Variants in MAP3K9 observed in about 807,000 individuals in gnomAD.
MAP3K9 encodes the protein mitogen-activated protein kinase kinase kinase 9, also known as mixed lineage kinase 1 (tyr and ser/thr specificity).
Under a neutral mutation model 95.8 loss-of-function variants are expected in MAP3K9, and 46 were observed. The observed-to-expected ratio is 0.48, with a 90% CI of 0.38 to 0.61. The LOEUF is 0.61. Ranked by LOEUF, MAP3K9 falls within the 20% of genes least tolerant of loss-of-function variation. MAP3K9 has a pLI of 0.00. For missense variants in MAP3K9, 1,296 were observed against 1,474.3 expected, an observed-to-expected ratio of 0.88 and a Z score of 1.98; for synonymous variants, 533 against 593.8, an observed-to-expected ratio of 0.90 and a Z score of 1.49.
rs1003410678 is a variant in MAP3K9 at position 70,730,258 on chromosome 14, G to A, written c.*122C>T. 111 of 1,388,162 alleles carry A rather than the reference G, an allele frequency of 8.0e-5. No individual in the cohort carries two copies. Among genetic ancestry groups the A allele is most frequent in the Non-Finnish European group, 9.3e-5 (96 of 1,027,648 alleles). The allele number at this position is 1,388,162 out of a possible 1,614,324, so 86.0% of individuals were successfully genotyped here. A position where few individuals can be genotyped will look rare whatever the true frequency, so the allele number is the denominator to read the frequency against. On this transcript the variant is annotated 3_prime_UTR_variant, in exon 12 of 12. Transcript: ENST00000554752. ...TTTCCATCCCTTCCATCTTCAAAGT[G>A]CATTATCAGTGCAAGAAGTAGGGCT...
intron 2 of MAP3K9, among the ~76,000 whole-genome samples, chr14:70,785,482 TTC>T (rs1221375580): frequency 6.6e-6 from 1 of 152,106 alleles, no homozygotes; most frequent in Non-Finnish European, 1.5e-5. Flanking sequence ...TTAATGTGGT[TTC>T]TCTCTCTCTC....
intron 1 of MAP3K9, among the ~76,000 whole-genome samples, chr14:70,806,062 C>T (rs1594817922): frequency 6.6e-6 from 1 of 152,184 alleles, no homozygotes; most frequent in South Asian, 2.1e-4. Context: ...CAGAATGCAA[C>T]GTCACAACAC....
chr14:70,770,397 T>C (rs1221865736), intron 2 of MAP3K9, among the ~76,000 whole-genome samples: 1 of 151,884 alleles, frequency 6.6e-6, no homozygotes, highest in African/African-American at 2.4e-5. Context: ...TTGGCCAGGC[T>C]GGTCTCGAAC....
intron 2 of MAP3K9, among the ~76,000 whole-genome samples, chr14:70,797,438 T>TA (rs1235628895): frequency 6.6e-6 from 1 of 151,040 alleles, no homozygotes; most frequent in Non-Finnish European, 1.5e-5. Flanking sequence ...ATAATAATAA[T>TA]AAAATTTTTT....
chr14:70,805,799 G>A (rs1165288842), intron 1 of MAP3K9, among the ~76,000 whole-genome samples: 2 of 152,112 alleles, frequency 1.3e-5, no homozygotes, highest in Non-Finnish European at 2.9e-5. Flanking sequence ...GGTGGCATGC[G>A]CCTCTGGTCC....
intron 11 of MAP3K9, among the ~76,000 whole-genome samples, chr14:70,732,072 C>T (rs1212624479): frequency 6.6e-6 from 1 of 152,128 alleles, no homozygotes; most frequent in Non-Finnish European, 1.5e-5. Flanking sequence ...TGGAAGCCTG[C>T]CTTCTGAGTG....
At chr14:70,786,352 C>T (rs17177097) in intron 2 of MAP3K9, among the ~76,000 whole-genome samples, 40,962 of 152,052 alleles carry the variant, frequency 0.27, 5,791 homozygotes, top group South Asian at 0.4. Flanking sequence ...CCATCTATCT[C>T]TCAGCGGGGA....
intron 1 of MAP3K9, among the ~76,000 whole-genome samples, chr14:70,807,978 A>G (rs2055008814): frequency 6.6e-6 from 1 of 152,222 alleles, no homozygotes; most frequent in Admixed American, 6.5e-5. Flanking sequence ...AGGATCTAGA[A>G]TGAGAAGAAA....
At chr14:70,803,238 T>C (rs937764999) in intron 1 of MAP3K9, among the ~76,000 whole-genome samples, 1 of 151,596 alleles carries the variant, frequency 6.6e-6, no homozygotes, top group African/African-American at 2.4e-5. Flanking sequence ...AGTTAAACTT[T>C]TTTTCTTTAT....
intron 3 of MAP3K9, among the ~76,000 whole-genome samples, chr14:70,756,678 C>G (rs1245430101): frequency 2.6e-5 from 4 of 152,208 alleles, no homozygotes; most frequent in African/African-American, 9.6e-5. Context: ...ACACACATAA[C>G]AGTCACCCAA....
chr14:70,747,723 C>T (rs1277599463), intron 5 of MAP3K9, among the ~76,000 whole-genome samples: 2 of 152,082 alleles, frequency 1.3e-5, no homozygotes, highest in African/African-American at 4.8e-5. Flanking sequence ...AAAAAGGTCT[C>T]ATCAAATTTT....
Position 70,730,082 on chromosome 14 carries a change from G to A in MAP3K9, c.*298C>T. On this transcript the variant is annotated 3_prime_UTR_variant, in exon 12 of 12. Transcript: ENST00000554752. ...CAGATTTGGCTGAGTGACTCTGCAG[G>A]GTCACTCTAAAGGCAAGGAAGACTG... is the stretch of plus-strand genomic sequence containing the variant. The A allele has an allele frequency of 2.7e-6, 1 of 372,254 alleles. No individual in the cohort carries two copies. Among genetic ancestry groups the A allele is most frequent in the Admixed American group, 4.2e-5 (1 of 23,728 alleles). 23.1% of individuals were successfully genotyped at this position (372,254 alleles called of 1,614,324 possible).
chr14:70,773,759 G>A (rs1433606377), intron 2 of MAP3K9, among the ~76,000 whole-genome samples: 1 of 152,222 alleles, frequency 6.6e-6, no homozygotes, highest in African/African-American at 2.4e-5. Flanking sequence ...TGCCCCAAGA[G>A]TTGGCAGAGC....
chr14:70,809,384 G>A lies in MAP3K9; in HGVS notation c.-213C>T, dbSNP rs1295087337. 1 of 513,348 alleles carries A rather than the reference G, an allele frequency of 1.9e-6. No individual in the cohort carries two copies. Among genetic ancestry groups the A allele is most frequent in the East Asian group, 3.7e-5 (1 of 27,268 alleles). 31.8% of individuals were successfully genotyped at this position (513,348 alleles called of 1,614,324 possible). On this transcript the variant is annotated 5_prime_UTR_variant, in exon 1 of 12. Coordinates refer to ENST00000554752, the MANE Select transcript of MAP3K9 (RefSeq NM_001284230.2). Reference sequence around the variant, plus strand: ...GAGCGCGAGCTCTTCGCGCAGCCTAGGGGCGCAGCGGGCCGAGTCCCCGCC... The same window carrying A: ...GAGCGCGAGCTCTTCGCGCAGCCTAAGGGCGCAGCGGGCCGAGTCCCCGCC...
chr14:70,736,635 C>A (rs2053990198), intron 8 of MAP3K9, among the ~76,000 whole-genome samples: 1 of 151,944 alleles, frequency 6.6e-6, no homozygotes, highest in South Asian at 2.1e-4. Context: ...AATTTACTAC[C>A]AAGACCAAAA....
chr14:70,776,465 C>T (rs1441476850), intron 2 of MAP3K9, among the ~76,000 whole-genome samples: 1 of 152,066 alleles, frequency 6.6e-6, no homozygotes, highest in African/African-American at 2.4e-5. Flanking sequence ...ACAGGCTGGA[C>T]CCTGCAAATT....
chr14:70,769,850 A>C (rs1292883096), intron 2 of MAP3K9, among the ~76,000 whole-genome samples: 1 of 152,096 alleles, frequency 6.6e-6, no homozygotes, highest in African/African-American at 2.4e-5. Flanking sequence ...CCTCATCTTA[A>C]CTTGACTACA....
chr14:70,745,504 G>A (rs145266971), intron 5 of MAP3K9, among the ~76,000 whole-genome samples: 1,582 of 152,260 alleles, frequency 0.01, 19 homozygotes, highest in Non-Finnish European at 0.017. Context: ...TTGGGAGTCC[G>A]AGGCAGGCGG....
At chr14:70,773,519 G>A (rs1044131800) in intron 2 of MAP3K9, among the ~76,000 whole-genome samples, 2 of 152,182 alleles carry the variant, frequency 1.3e-5, no homozygotes, top group Admixed American at 1.3e-4. Flanking sequence ...ATTGCAAGAT[G>A]GGCACCAGGC....
Sources: allele counts gnomAD v4.1 joint callset (sites outside exome capture counted in the v4.1 genomes callset), GRCh38; gene constraint gnomAD v4.1.1; transcripts MANE v1.5; gene names NCBI Gene and HGNC (gene_info 2026-07-23, HGNC 2026-07-21).